FGD6: variants seen among roughly 807,000 people sequenced by gnomAD.
FGD6 encodes FYVE, RhoGEF and PH domain containing 6.
FGD6 carries 90 observed loss-of-function variants against 149.4 expected under a neutral mutation model. The observed-to-expected ratio is 0.60, with a 90% CI of 0.51 to 0.72. The LOEUF is 0.72. FGD6 is among the 30% of genes least tolerant of loss of function. FGD6 has a pLI of 0.00. For synonymous variants in FGD6, 527 were observed against 584.0 expected, an observed-to-expected ratio of 0.90 and a Z score of 1.41; for missense variants, 1,437 against 1,684.8, an observed-to-expected ratio of 0.85 and a Z score of 2.57.
intron 19 of FGD6, 79 bp from the exon 20 acceptor site, chr12:95,084,725 G>C (rs1164594764): frequency 3.4e-6 from 4 of 1,161,462 alleles, no homozygotes; most frequent in Non-Finnish European, 4.7e-6. Flanking sequence ...GATCTACATA[G>C]CTCTAATTTA....
At chr12:95,121,479 A>ATATG (rs1390223384) in intron 8 of FGD6, among the ~76,000 whole-genome samples, 1,232 of 53,332 alleles carry the variant, frequency 0.023, 25 homozygotes, top group African/African-American at 0.096. Flanking sequence ...ATATATATAT[A>ATATG]TGTATATATA....
chr12:95,136,155 C>T (rs376299431), intron 7 of FGD6, among the ~76,000 whole-genome samples: 1 of 152,018 alleles, frequency 6.6e-6, no homozygotes, highest in East Asian at 1.9e-4. Flanking sequence ...ATCAGGAGTT[C>T]GAGACCAGCC....
At chr12:95,091,929 G>C in intron 16 of FGD6, 120 bp from the exon 17 acceptor site, 1 of 666,282 alleles carries the variant, frequency 1.5e-6, no homozygotes, top group South Asian at 2.0e-5. Flanking sequence ...GAGTCACTGA[G>C]TCTCACTTCG....
chr12:95,171,269 A>C (rs1236619344), intron 3 of FGD6, among the ~76,000 whole-genome samples: 3 of 152,176 alleles, frequency 2.0e-5, no homozygotes, highest in Admixed American at 6.5e-5. Flanking sequence ...AAAAATATTA[A>C]ACAGGAAGAA....
intron 2 of FGD6, chr12:95,189,265 G>C (rs865875232): frequency 6.6e-6 from 1 of 152,154 alleles, no homozygotes; most frequent in Non-Finnish European, 1.5e-5. Context: ...TTAATTTGTA[G>C]AGTACAAAAG....
In FGD6 at chr12:95,084,518, C is replaced by T; in HGVS notation, c.4236G>A (p.Glu1412=). 6 of 1,577,260 alleles carry T rather than the reference C, an allele frequency of 3.8e-6. No individual in the cohort carries two copies. Among genetic ancestry groups the T allele is most frequent in the Non-Finnish European group, 5.1e-6 (6 of 1,167,760 alleles). The change falls in exon 20 of 21, where the codon GAG becomes GAA. Residue 1412 remains glutamate, a synonymous_variant. Coordinates refer to ENST00000343958, the MANE Select transcript of FGD6 (RefSeq NM_018351.4). The part of the protein sequence containing the change: ...KNMLFYVFKA[E]DAHSAQKWIE... ...CTTACTTCTGAGCCGAATGAGCATC[C>T]TCTGCTTTGAATACATAAAATAACA...
Position 95,210,657 on chromosome 12 carries a change from A to G in FGD6, c.627T>C (p.Asn209=), listed in dbSNP as rs747592876. 2 of 1,614,192 alleles carry G rather than the reference A, an allele frequency of 1.2e-6. No homozygotes were observed. The highest frequency in any genetic ancestry group is 1.7e-6 in the Non-Finnish European group (2 of 1,180,036). The change falls in exon 2 of 21, where the codon AAT becomes AAC. Residue 209 remains asparagine, a synonymous_variant. Transcript: ENST00000343958. Reference sequence around the variant, plus strand: ...ATTGTCCATTTGAATTACAGCCACCATTCATTTCTGGGCTGTCTGTGGGCC... The same window carrying G: ...ATTGTCCATTTGAATTACAGCCACCGTTCATTTCTGGGCTGTCTGTGGGCC... ...KHRPTDSPEM[N]GGCNSNGQFR...
At chr12:95,213,104 T>A (rs1233989249) in intron 1 of FGD6, among the ~76,000 whole-genome samples, 1 of 152,182 alleles carries the variant, frequency 6.6e-6, no homozygotes, top group African/African-American at 2.4e-5. Flanking sequence ...AGAAACCTAG[T>A]TGTAAATGTC....
At chr12:95,127,631 G>A (rs74966018) in intron 8 of FGD6, among the ~76,000 whole-genome samples, 1 of 152,124 alleles carries the variant, frequency 6.6e-6, no homozygotes, top group Non-Finnish European at 1.5e-5. Flanking sequence ...TATAGCTTCA[G>A]AACACTATAA....
chr12:95,084,822 C>G (rs574796087), intron 19 of FGD6, among the ~76,000 whole-genome samples, 176 bp from the exon 20 acceptor site: 1 of 152,254 alleles, frequency 6.6e-6, no homozygotes, highest in African/African-American at 2.4e-5. Context: ...GAGCCACTCC[C>G]TCCCTAGGTA....
At chr12:95,184,902 C>A (rs1463411677) in intron 2 of FGD6, among the ~76,000 whole-genome samples, 1 of 145,496 alleles carries the variant, frequency 6.9e-6, no homozygotes, top group East Asian at 2.1e-4. Flanking sequence ...GAGACGGAGT[C>A]TCACTCTGTC....
At chr12:95,106,272 CTTTTTT>C (rs58785323) in intron 13 of FGD6, among the ~76,000 whole-genome samples, 1 of 130,902 alleles carries the variant, frequency 7.6e-6, no homozygotes. Flanking sequence ...TTTATTTGGG[CTTTTTT>C]TTTTTTTTTT....
intron 14 of FGD6, 84 bp from the exon 15 acceptor site, chr12:95,094,778 G>A: frequency 1.0e-6 from 1 of 970,310 alleles, no homozygotes; most frequent in Non-Finnish European, 1.6e-6. Flanking sequence ...CATGGCAACA[G>A]ATCCCACCAC....
At chr12:95,128,244 T>A (rs1394537478) in intron 8 of FGD6, among the ~76,000 whole-genome samples, 2 of 152,062 alleles carry the variant, frequency 1.3e-5, no homozygotes, top group African/African-American at 4.8e-5. Context: ...CCTCTGACTT[T>A]ATTTTTTTGA....
At chr12:95,155,912 C>A (rs2136274786) in intron 3 of FGD6, among the ~76,000 whole-genome samples, 1 of 152,298 alleles carries the variant, frequency 6.6e-6, no homozygotes, top group African/African-American at 2.4e-5. Context: ...TTTATAATTT[C>A]TTATGCCTGT....
In FGD6 at chr12:95,081,356, C is replaced by A; in HGVS notation, c.*164G>T. On this transcript the variant is annotated 3_prime_UTR_variant, in exon 21 of 21. Coordinates refer to ENST00000343958, the MANE Select transcript of FGD6 (RefSeq NM_018351.4). ...AATAACATAAATGAAAAAACAAACA[C>A]CTTTTAAAAATTGCTTATACCTAAC... The A allele has an allele frequency of 9.0e-6, 4 of 446,704 alleles. No individual in the cohort carries two copies. The highest frequency in any genetic ancestry group is 5.6e-5 in the South Asian group (1 of 17,824). The allele number at this position is 446,704 out of a possible 1,614,324, so 27.7% of individuals were successfully genotyped here.
intron 8 of FGD6, among the ~76,000 whole-genome samples, chr12:95,121,416 C>T (rs1174580865): frequency 1.4e-5 from 2 of 143,234 alleles, no homozygotes; most frequent in East Asian, 2.0e-4. Flanking sequence ...CATCATTGCA[C>T]TCCAGCCTGG....
intron 5 of FGD6, among the ~76,000 whole-genome samples, chr12:95,147,693 A>G (rs1158121867): frequency 6.6e-6 from 1 of 152,130 alleles, no homozygotes; most frequent in African/African-American, 2.4e-5. Flanking sequence ...TTTTCCTATT[A>G]AGTAGTGGGT....
At chr12:95,187,472 G>A (rs1420231841) in intron 2 of FGD6, among the ~76,000 whole-genome samples, 1 of 151,806 alleles carries the variant, frequency 6.6e-6, no homozygotes, top group Non-Finnish European at 1.5e-5. Flanking sequence ...GGCCAATATG[G>A]TGAAACCCCG....
Sources: allele counts gnomAD v4.1 joint callset (sites outside exome capture counted in the v4.1 genomes callset), GRCh38; gene constraint gnomAD v4.1.1; transcripts MANE v1.5; gene names NCBI Gene and HGNC (gene_info 2026-07-23, HGNC 2026-07-21).